Variants in SH2D4A observed in about 807,000 individuals in gnomAD.
The protein encoded by SH2D4A is SH2 domain-containing protein 4A.
Under a neutral mutation model 64.7 loss-of-function variants are expected in SH2D4A, and 70 were observed. That is an observed-to-expected ratio of 1.08 (90% CI 0.89 to 1.32). SH2D4A has a LOEUF of 1.32. Among genes scored for constraint, SH2D4A ranks in the 40% most tolerant of loss-of-function variants. The probability of loss-of-function intolerance (pLI) is 0.00; values close to 1 mark genes in which losing one functional copy is unlikely to be tolerated. For missense variants in SH2D4A, 706 were observed against 540.1 expected (o/e 1.31, Z -3.04); for synonymous variants, 268 against 200.7 (o/e 1.34, Z -2.83).
At chr8:19,364,458 T>G (rs1379732751) in intron 7 of SH2D4A, among the ~76,000 whole-genome samples, 176 bp downstream of exon 7, 1 of 152,108 alleles carries the variant, frequency 6.6e-6, no homozygotes, top group Non-Finnish European at 1.5e-5. Context: ...GGGCGGGCAT[T>G]CCTCCCTTTT....
At chr8:19,377,721 T>C (rs1306663759) in intron 8 of SH2D4A, among the ~76,000 whole-genome samples, 4 of 152,140 alleles carry the variant, frequency 2.6e-5, no homozygotes, top group African/African-American at 9.7e-5. Context: ...TCATTATTCA[T>C]CTCTCCTACA....
At chr8:19,384,321 A>T (rs897859870) in intron 8 of SH2D4A, among the ~76,000 whole-genome samples, 1 of 152,150 alleles carries the variant, frequency 6.6e-6, no homozygotes, top group African/African-American at 2.4e-5. Flanking sequence ...GGATGGTGCA[A>T]AGAGACAGGG....
At chr8:19,313,905 G>T in intron 1 of SH2D4A, 82 bp downstream of exon 1, 11 of 1,324,702 alleles carry the variant, frequency 8.3e-6, no homozygotes, top group Non-Finnish European at 1.1e-5. Context: ...CTCGGAGGTT[G>T]CATGGGTGCA....
chr8:19,394,692 A>G lies in SH2D4A; in HGVS notation c.*50A>G. 1 of 1,416,572 alleles carries G rather than the reference A, an allele frequency of 7.1e-7. No individual in the cohort carries two copies. Among genetic ancestry groups the G allele is most frequent in the Non-Finnish European group, 9.7e-7 (1 of 1,030,148 alleles). 87.8% of individuals were successfully genotyped at this position (1,416,572 alleles called of 1,614,324 possible). On this transcript the variant is annotated 3_prime_UTR_variant, in exon 10 of 10. Transcript: ENST00000265807. ...AGCCTCCAAGCGGGCTTTCCCCTGG[A>G]CAAATGCCACTGCAACATTTATGTG...
chr8:19,364,022 C>T (rs745367224), intron 6 of SH2D4A, 50 bp from the exon 7 acceptor site: 1 of 1,583,732 alleles, frequency 6.3e-7, no homozygotes, highest in South Asian at 1.1e-5. Flanking sequence ...AGCCTTCTCA[C>T]CTGCTCTGTG....
intron 4 of SH2D4A, among the ~76,000 whole-genome samples, chr8:19,343,440 C>A (rs1318569159): frequency 6.6e-6 from 1 of 151,582 alleles, no homozygotes; most frequent in African/African-American, 2.4e-5. Context: ...CTCCAACAAA[C>A]AAAAACTGGG....
intron 4 of SH2D4A, among the ~76,000 whole-genome samples, chr8:19,353,368 G>GTT (rs71545549): frequency 0.029 from 3,870 of 131,324 alleles, 239 homozygotes; most frequent in African/African-American, 0.11. Context: ...TAATCATCTA[G>GTT]TTTTTTTTTT....
At chr8:19,368,605 T>C (rs947452398) in intron 7 of SH2D4A, among the ~76,000 whole-genome samples, 7 of 145,862 alleles carry the variant, frequency 4.8e-5, no homozygotes, top group African/African-American at 1.5e-4. Flanking sequence ...TATTTTGCTA[T>C]TGTAAATAAA....
chr8:19,340,444 G>A (rs62493845), intron 4 of SH2D4A, among the ~76,000 whole-genome samples: 1,995 of 152,220 alleles, frequency 0.013, 24 homozygotes, highest in Non-Finnish European at 0.018. Context: ...ATGCCTGGGA[G>A]AATGAGATGT....
At chr8:19,393,109 A>G (rs556251679) in intron 8 of SH2D4A, among the ~76,000 whole-genome samples, 1 of 152,254 alleles carries the variant, frequency 6.6e-6, no homozygotes, top group South Asian at 2.1e-4. Flanking sequence ...TGATTTTTAT[A>G]CAGTTTGCCT....
At chr8:19,335,055 G>A (rs527974882) in intron 4 of SH2D4A, among the ~76,000 whole-genome samples, 198 bp downstream of exon 4, 3 of 152,146 alleles carry the variant, frequency 2.0e-5, no homozygotes, top group South Asian at 2.1e-4. Flanking sequence ...AGGCCAAGGC[G>A]GGCGGATCAC....
intron 4 of SH2D4A, among the ~76,000 whole-genome samples, chr8:19,338,340 T>C (rs535628935): frequency 1.3e-5 from 2 of 152,290 alleles, no homozygotes; most frequent in East Asian, 1.9e-4. Flanking sequence ...ATCTATTTGT[T>C]AGGCAGAATA....
At chr8:19,381,928 T>C (rs1413321302) in intron 8 of SH2D4A, among the ~76,000 whole-genome samples, 9 of 152,160 alleles carry the variant, frequency 5.9e-5, no homozygotes, top group Admixed American at 5.9e-4. Flanking sequence ...ATCCTGTTAA[T>C]ACGGTGTGTT....
chr8:19,385,544 A>C (rs1436081239), intron 8 of SH2D4A, among the ~76,000 whole-genome samples: 1 of 151,994 alleles, frequency 6.6e-6, no homozygotes, highest in African/African-American at 2.4e-5. Context: ...GATACATCCT[A>C]CTGACTCTTC....
Position 19,395,982 on chromosome 8 carries a change from C to CTGTT in SH2D4A, c.*1342_*1345dup, listed in dbSNP as rs2053583638. 1 of 152,152 alleles carries CTGTT rather than the reference C, an allele frequency of 6.6e-6. No homozygotes were observed. Among genetic ancestry groups the CTGTT allele is most frequent in the South Asian group, 2.1e-4 (1 of 4,820 alleles). The allele number at this position is 152,152 out of a possible 1,614,324, so 9.4% of individuals were successfully genotyped here. ...GGTAAGAAAAACATTCCAGCCAGTT[C>CTGTT]TGTTTAGCCCTGGCACACATATTTG... is the stretch of plus-strand genomic sequence containing the variant. On this transcript the variant is annotated 3_prime_UTR_variant, in exon 10 of 10. Coordinates refer to ENST00000265807, the MANE Select transcript of SH2D4A (RefSeq NM_022071.4).
rs1441669055 is a variant in SH2D4A at position 19,332,981 on chromosome 8, C to T, written c.208C>T (p.Leu70Phe). The change falls in exon 3 of 10, where the codon CTT (leucine) becomes TTT (phenylalanine). Residue 70 changes from leucine (L) to phenylalanine (F), a missense_variant. Leu to Phe is a conservative substitution (Grantham distance 22, BLOSUM62 0). Coordinates refer to ENST00000265807, the MANE Select transcript of SH2D4A (RefSeq NM_022071.4). Reference protein sequence around the residue: ...KENGKSVHWKLGADKEVWVWV... With the variant: ...KENGKSVHWKFGADKEVWVWV... ...GAATGGCAAATCGGTTCATTGGAAA[C>T]TTGGAGCTGATAAGGAAGTCTGGGT... is the stretch of plus-strand genomic sequence containing the variant. 1 of 1,612,948 alleles carries T rather than the reference C, an allele frequency of 6.2e-7. No homozygotes were observed.
chr8:19,336,709 T>TA (rs918760752), intron 4 of SH2D4A, among the ~76,000 whole-genome samples: 89 of 150,392 alleles, frequency 5.9e-4, no homozygotes, highest in African/African-American at 1.1e-3. Context: ...TACAAAAAAT[T>TA]AAAAAAAAAC....
chr8:19,323,810 T>C (rs1179924662), intron 2 of SH2D4A, among the ~76,000 whole-genome samples: 4 of 152,222 alleles, frequency 2.6e-5, no homozygotes. Flanking sequence ...CCCTGAGCAT[T>C]GAGATTAAGT....
At chr8:19,386,542 A>G (rs1363751121) in intron 8 of SH2D4A, among the ~76,000 whole-genome samples, 3 of 152,146 alleles carry the variant, frequency 2.0e-5, no homozygotes, top group Admixed American at 6.5e-5. Flanking sequence ...GGGAGCCCCA[A>G]GCTTCCCACT....
Sources: gnomAD v4.1 joint callset for allele counts (sites outside exome capture counted in the v4.1 genomes callset) on GRCh38, gnomAD v4.1.1 for gene constraint, MANE v1.5 for transcripts, NCBI Gene and HGNC (gene_info 2026-07-23, HGNC 2026-07-21) for gene names.